ZBED4: variants seen among roughly 807,000 people sequenced by gnomAD.
ZBED4 encodes zinc finger BED-type containing 4.
A neutral mutation model predicts 15.5 loss-of-function variants in ZBED4; 4 were observed. The ratio of observed to expected loss-of-function variants is 0.26; its 90% CI spans 0.13 to 0.59. ZBED4 has a LOEUF of 0.59. Ranked by LOEUF, ZBED4 falls within the 20% of genes least tolerant of loss-of-function variation. The pLI is 0.90. For missense variants in ZBED4, 1,323 were observed against 1,461.8 expected (o/e 0.91, Z 1.55); for synonymous variants, 692 against 608.5 (o/e 1.14, Z -2.02).
At chr22:49,858,803 C>A (rs916305850) in intron 1 of ZBED4, among the ~76,000 whole-genome samples, 8 of 152,172 alleles carry the variant, frequency 5.3e-5, no homozygotes, top group Non-Finnish European at 1.2e-4. Flanking sequence ...AGCTGTTTTT[C>A]CCAACCAGAA....
intron 1 of ZBED4, among the ~76,000 whole-genome samples, chr22:49,883,007 C>T (rs2060417292): frequency 6.6e-6 from 1 of 152,194 alleles, no homozygotes; most frequent in East Asian, 1.9e-4. Context: ...GCTGTGAGTA[C>T]CTCTCATGAA....
chr22:49,860,256 G>A (rs914125372), intron 1 of ZBED4, among the ~76,000 whole-genome samples: 5 of 152,220 alleles, frequency 3.3e-5, no homozygotes, highest in Admixed American at 2.0e-4. Flanking sequence ...CTGCAATGAC[G>A]TCACTGCACT....
chr22:49,863,460 C>G (rs1317549529), intron 1 of ZBED4, among the ~76,000 whole-genome samples: 1 of 152,110 alleles, frequency 6.6e-6, no homozygotes, highest in Non-Finnish European at 1.5e-5. Flanking sequence ...AACCACGTCT[C>G]TACTAAAAAT....
rs557554549 is a variant in ZBED4 at position 49,882,290 on chromosome 22, G to A, written c.-329-1044G>A. ...GTTTGTGGTGGGCGCATTGGCTCGC[G>A]CATATAACTCCAGCACTTTGGGAGG... On this transcript the variant is annotated intron_variant, in intron 1 of 1. Coordinates refer to ENST00000216268, the MANE Select transcript of ZBED4 (RefSeq NM_014838.3). Among the ~76,000 whole-genome samples, 12 of 152,208 alleles carry A rather than the reference G, an allele frequency of 7.9e-5. No homozygotes were observed. In the East Asian group the frequency reaches 1.9e-3, roughly 24 times the overall value.
chr22:49,886,233 C>A lies in ZBED4; in HGVS notation c.2571C>A (p.Cys857Ter). 1.1e-6 allele frequency: 1 copy of A among 934,804 alleles called. No individual in the cohort carries two copies. The allele number at this position is 934,804 out of a possible 1,614,324, so 57.9% of individuals were successfully genotyped here. ...TGCTGAGCCTCGCCCGGAAGATCTGCGAGCGGGTGCACCGGTCGCCCAAGG... is the reference window on the plus strand; with the variant it reads ...TGCTGAGCCTCGCCCGGAAGATCTGAGAGCGGGTGCACCGGTCGCCCAAGG... ...QNLLSLARKICERVHRSPKAK... is the reference protein window; with the variant it reads ...QNLLSLARKI Residue 857 changes from cysteine to a stop codon, truncating the protein, a stop_gained, in exon 2 of 2, where the codon TGC (cysteine) becomes TGA (stop). Transcript: ENST00000216268. LOFTEE classifies it high-confidence loss of function. This position sits in a 1 kb window ranked among gnomAD's most constrained non-coding sequence, Gnocchi z 7.7.
At chr22:49,874,158 C>G (rs76567377) in intron 1 of ZBED4, among the ~76,000 whole-genome samples, 242 of 152,284 alleles carry the variant, frequency 1.6e-3, no homozygotes, top group African/African-American at 5.5e-3. Flanking sequence ...AGACTCCCAT[C>G]CAGTGCTGTA....
intron 1 of ZBED4, among the ~76,000 whole-genome samples, chr22:49,871,004 A>G (rs2319463): frequency 0.92 from 139,140 of 150,878 alleles, 64,260 homozygotes; most frequent in African/African-American, 0.98. Context: ...GCAGTGGTGC[A>G]ATCTTGGCTA....
Position 49,885,564 on chromosome 22 carries a change from A to G in ZBED4, c.1902A>G (p.Glu634=), listed in dbSNP as rs757339917. 77 of 1,603,914 alleles carry G rather than the reference A, an allele frequency of 4.8e-5. No homozygotes were observed. Among genetic ancestry groups the G allele is most frequent in the Non-Finnish European group, 6.5e-5 (76 of 1,172,080 alleles). The change falls in exon 2 of 2, where the codon GAA becomes GAG. Residue 634 remains glutamate (E), a synonymous_variant. Coordinates refer to ENST00000216268, the MANE Select transcript of ZBED4 (RefSeq NM_014838.3). ...ACACCCGGGTGCCGCGGGGCACAGAATTATCAGGCGCTTCCTCTTTTGATG... is the reference window on the plus strand; with the variant it reads ...ACACCCGGGTGCCGCGGGGCACAGAGTTATCAGGCGCTTCCTCTTTTGATG... ...SPDTRVPRGT[E]LSGASSFDDT... is the part of the protein sequence containing the mutation.
intron 1 of ZBED4, among the ~76,000 whole-genome samples, chr22:49,862,068 T>G (rs1569157219): frequency 6.6e-6 from 1 of 152,210 alleles, no homozygotes; most frequent in Non-Finnish European, 1.5e-5. Context: ...TGAACGGGTT[T>G]TCATTTAATT....
intron 1 of ZBED4, among the ~76,000 whole-genome samples, chr22:49,880,167 C>G (rs2060401237): frequency 6.6e-6 from 1 of 152,136 alleles, no homozygotes; most frequent in South Asian, 2.1e-4. Flanking sequence ...CCTAACACGG[C>G]TTAAAAGAGC....
At position 49,887,232 on chromosome 22, in the gene ZBED4, C is replaced by T. The variant is rs2060445203; in HGVS notation, c.*54C>T. Reference sequence around the variant, plus strand: ...GCGTGGCTGCCCCAGCGTTAGCAGCCTGTACCAGGTCTATGACCCGCTCTG... The same window carrying T: ...GCGTGGCTGCCCCAGCGTTAGCAGCTTGTACCAGGTCTATGACCCGCTCTG... On this transcript the variant is annotated 3_prime_UTR_variant, in exon 2 of 2. Coordinates refer to ENST00000216268, the MANE Select transcript of ZBED4 (RefSeq NM_014838.3). The T allele has an allele frequency of 5.8e-6, 9 of 1,548,848 alleles. No homozygotes were observed. Among genetic ancestry groups the T allele is most frequent in the South Asian group, 3.7e-5 (3 of 81,142 alleles).
At chr22:49,860,249 C>T (rs1183239921) in intron 1 of ZBED4, among the ~76,000 whole-genome samples, 1 of 152,362 alleles carries the variant, frequency 6.6e-6, no homozygotes, top group African/African-American at 2.4e-5. Context: ...TGGTAAGCTG[C>T]AATGACGTCA....
Position 49,855,386 on chromosome 22 carries a change from G to A in ZBED4, c.-330+1397G>A, listed in dbSNP as rs889604956. 5.3e-5 allele frequency among the ~76,000 whole-genome samples: 8 copies of A among 152,120 alleles called. 1 individual carries two copies. Among genetic ancestry groups the A allele is most frequent in the Non-Finnish European group, 2.9e-5 (2 of 68,028 alleles). On this transcript the variant is annotated intron_variant, in intron 1 of 1. Transcript: ENST00000216268. ...GTCCAGGTAATTCCTGAATAAGGTGGTTGATGTTGTTGGATGTAAAACCTC... is the reference window on the plus strand; with the variant it reads ...GTCCAGGTAATTCCTGAATAAGGTGATTGATGTTGTTGGATGTAAAACCTC...
chr22:49,884,331 A>G lies in ZBED4; in HGVS notation c.669A>G (p.Thr223=). 1 of 1,613,766 alleles carries G rather than the reference A, an allele frequency of 6.2e-7. No homozygotes were observed. The change falls in exon 2 of 2, where the codon ACA becomes ACG. Residue 223 remains threonine, a synonymous_variant. Transcript: ENST00000216268. ...AGATCCCGTCCCCCGATCGAATAAC[A>G]GAGGAGTCTGTGTCTGTAGTTTCTT... The part of the protein sequence containing the change: ...ASKIPSPDRI[T]EESVSVVSSE...
At chr22:49,866,229 C>A (rs973990432) in intron 1 of ZBED4, among the ~76,000 whole-genome samples, 2 of 152,156 alleles carry the variant, frequency 1.3e-5, no homozygotes, top group African/African-American at 4.8e-5. Flanking sequence ...TTGACAATTT[C>A]TAATTCAGGA....
chr22:49,874,568 T>A (rs969814285), intron 1 of ZBED4, among the ~76,000 whole-genome samples: 2 of 151,186 alleles, frequency 1.3e-5, no homozygotes, highest in Admixed American at 1.3e-4. Flanking sequence ...AGACATGGGA[T>A]TTCACCAGTT....
At chr22:49,882,389 C>T (rs2060413903) in intron 1 of ZBED4, among the ~76,000 whole-genome samples, 2 of 152,160 alleles carry the variant, frequency 1.3e-5, no homozygotes, top group South Asian at 4.1e-4. Context: ...TGCACTCCAG[C>T]CTAAGTGACA....
intron 1 of ZBED4, among the ~76,000 whole-genome samples, chr22:49,875,980 G>GT (rs1221886573): frequency 7.1e-6 from 1 of 141,280 alleles, no homozygotes; most frequent in East Asian, 2.1e-4. Context: ...CATCTTTATT[G>GT]TTTTTTTCTT....
intron 1 of ZBED4, among the ~76,000 whole-genome samples, chr22:49,864,525 C>T (rs140547109): frequency 2.0e-5 from 3 of 152,252 alleles, no homozygotes; most frequent in African/African-American, 4.8e-5. Context: ...GCACTTAATA[C>T]CTGATTGGAG....
Sources: allele counts gnomAD v4.1 joint callset (sites outside exome capture counted in the v4.1 genomes callset), GRCh38; gene constraint gnomAD v4.1.1; non-coding constraint Gnocchi (gnomAD v3.1); transcripts MANE v1.5; gene names NCBI Gene and HGNC (gene_info 2026-07-23, HGNC 2026-07-21).